Variants in ST6GALNAC5 observed in about 807,000 individuals in gnomAD.
The protein encoded by ST6GALNAC5 is ST6 N-acetylgalactosaminide alpha-2,6-sialyltransferase 5, also known as alpha-N-acetylgalactosaminide alpha-2,6-sialyltransferase 5.
A neutral mutation model predicts 33.6 loss-of-function variants in ST6GALNAC5; 27 were observed. The ratio of observed to expected loss-of-function variants is 0.80; its 90% confidence interval spans 0.59 to 1.11. The LOEUF (loss-of-function observed/expected upper bound fraction) is 1.11, where lower values mean the gene tolerates loss of function less well. Among genes scored for constraint, ST6GALNAC5 ranks in the 50% least tolerant of loss-of-function variants. The pLI is 0.00. For synonymous variants in ST6GALNAC5, 194 were observed against 171.2 expected, an observed-to-expected ratio of 1.13 and a Z score of -1.04; for missense variants, 428 against 454.0, an observed-to-expected ratio of 0.94 and a Z score of 0.52.
intron 2 of ST6GALNAC5, among the ~76,000 whole-genome samples, chr1:76,884,581 A>G (rs1041314165): frequency 3.3e-5 from 5 of 152,178 alleles, no homozygotes; most frequent in Non-Finnish European, 1.5e-5. Context: ...GCAGATAAAG[A>G]TATTATAATT....
chr1:76,934,683 C>T (rs940422739), intron 2 of ST6GALNAC5, among the ~76,000 whole-genome samples: 4 of 151,746 alleles, frequency 2.6e-5, no homozygotes, highest in African/African-American at 4.8e-5. Flanking sequence ...TAAAACCTGC[C>T]GATGTGAGAA....
chr1:76,987,411 T>C (rs1169183580), intron 2 of ST6GALNAC5, among the ~76,000 whole-genome samples: 1 of 152,100 alleles, frequency 6.6e-6, no homozygotes, highest in Non-Finnish European at 1.5e-5. Flanking sequence ...ACCAGTTAGG[T>C]TGGCTATATT....
rs558164719 is a variant in ST6GALNAC5 at position 76,867,746 on chromosome 1, T to C, written c.15+56T>C. Reference sequence around the variant, plus strand: ...AAGAGGGGGATCCCCGGGCTCAGGGTCCACGGGACGCACCGTGGAGACTCC... The same window carrying C: ...AAGAGGGGGATCCCCGGGCTCAGGGCCCACGGGACGCACCGTGGAGACTCC... On this transcript the variant is annotated intron_variant, in intron 1 of 4. Coordinates refer to ENST00000477717, the MANE Select transcript of ST6GALNAC5 (RefSeq NM_030965.3). 4 of 1,613,576 alleles carry C rather than the reference T, an allele frequency of 2.5e-6. No homozygotes were observed. The Admixed American group carries it at 6.7e-5, about 27-fold the overall frequency.
intron 2 of ST6GALNAC5, among the ~76,000 whole-genome samples, chr1:76,900,872 CATA>C (rs1276396934): frequency 2.0e-5 from 3 of 152,062 alleles, no homozygotes; most frequent in Non-Finnish European, 4.4e-5. Flanking sequence ...TATCAGAAAA[CATA>C]ATTATTCAGA....
chr1:76,896,462 G>T (rs1379224514), intron 2 of ST6GALNAC5, among the ~76,000 whole-genome samples: 1 of 152,192 alleles, frequency 6.6e-6, no homozygotes, highest in Non-Finnish European at 1.5e-5. Flanking sequence ...GTTCTAAGAG[G>T]CGGGCTAGTG....
chr1:76,975,543 G>A (rs1168010656), intron 2 of ST6GALNAC5, among the ~76,000 whole-genome samples: 5 of 152,130 alleles, frequency 3.3e-5, no homozygotes, highest in African/African-American at 1.2e-4. Context: ...TTAATAGGTG[G>A]ATATATGTAA....
At chr1:76,924,087 G>A (rs955284018) in intron 2 of ST6GALNAC5, among the ~76,000 whole-genome samples, 2 of 152,124 alleles carry the variant, frequency 1.3e-5, no homozygotes, top group African/African-American at 4.8e-5. Context: ...GTGTGTGAGA[G>A]TGGGTGAGTG....
intron 2 of ST6GALNAC5, among the ~76,000 whole-genome samples, chr1:77,027,403 G>T (rs771216187): frequency 6.6e-6 from 1 of 152,146 alleles, no homozygotes; most frequent in Non-Finnish European, 1.5e-5. Context: ...TTTACTGTGT[G>T]TGTTGAAAAC....
intron 2 of ST6GALNAC5, among the ~76,000 whole-genome samples, chr1:77,032,818 T>C (rs1048400283): frequency 1.3e-5 from 2 of 152,200 alleles, no homozygotes; most frequent in African/African-American, 4.8e-5. Flanking sequence ...CAGCTATATA[T>C]ACGACTCCAA....
chr1:76,966,767 G>A (rs922819173), intron 2 of ST6GALNAC5, among the ~76,000 whole-genome samples: 11 of 152,142 alleles, frequency 7.2e-5, no homozygotes, highest in African/African-American at 2.7e-4. Context: ...TTTGAGATAC[G>A]TTCCATCAAT....
chr1:77,014,382 C>A (rs993527178), intron 2 of ST6GALNAC5, among the ~76,000 whole-genome samples: 2 of 152,130 alleles, frequency 1.3e-5, no homozygotes, highest in African/African-American at 4.8e-5. Flanking sequence ...GGGTGATTTA[C>A]AGACAATTAG....
At chr1:76,888,167 T>C (rs1653937554) in intron 2 of ST6GALNAC5, among the ~76,000 whole-genome samples, 1 of 152,184 alleles carries the variant, frequency 6.6e-6, no homozygotes, top group Non-Finnish European at 1.5e-5. Flanking sequence ...TTTAATATAA[T>C]TTGTGTGTTG....
intron 2 of ST6GALNAC5, among the ~76,000 whole-genome samples, chr1:76,929,453 T>C (rs1222301353): frequency 6.6e-6 from 1 of 152,090 alleles, no homozygotes; most frequent in Non-Finnish European, 1.5e-5. Context: ...ACAGGAGGAT[T>C]CCTTGAACTG....
At chr1:77,033,796 A>G (rs1251199516) in intron 2 of ST6GALNAC5, among the ~76,000 whole-genome samples, 1 of 152,138 alleles carries the variant, frequency 6.6e-6, no homozygotes, top group Non-Finnish European at 1.5e-5. Flanking sequence ...GCCAGGCCGG[A>G]GAATAGAGAG....
At chr1:76,891,314 T>C (rs889112768) in intron 2 of ST6GALNAC5, among the ~76,000 whole-genome samples, 1 of 152,218 alleles carries the variant, frequency 6.6e-6, no homozygotes, top group Non-Finnish European at 1.5e-5. Flanking sequence ...TAGTATCTCC[T>C]TGTAGTTTGA....
intron 2 of ST6GALNAC5, among the ~76,000 whole-genome samples, chr1:76,924,204 T>C (rs1468029682): frequency 6.6e-6 from 1 of 152,162 alleles, no homozygotes; most frequent in African/African-American, 2.4e-5. Flanking sequence ...TCAGTAGCAT[T>C]GTTTTCCCAT....
At chr1:76,940,605 G>A (rs1023988142) in intron 2 of ST6GALNAC5, among the ~76,000 whole-genome samples, 3 of 152,050 alleles carry the variant, frequency 2.0e-5, no homozygotes, top group African/African-American at 7.2e-5. Flanking sequence ...GAAGCAACTT[G>A]CCAGGCCACA....
chr1:76,934,842 T>C (rs1557728583), intron 2 of ST6GALNAC5, among the ~76,000 whole-genome samples: 1 of 152,088 alleles, frequency 6.6e-6, no homozygotes, highest in Admixed American at 6.6e-5. Flanking sequence ...AGAAAGCCTC[T>C]GTTGGGTCTT....
At chr1:76,993,634 A>C (rs1649817788) in intron 2 of ST6GALNAC5, among the ~76,000 whole-genome samples, 3 of 152,154 alleles carry the variant, frequency 2.0e-5, no homozygotes, top group East Asian at 1.9e-4. Context: ...CTTTTTAAGG[A>C]AATTGTTATT....
Sources: allele counts gnomAD v4.1 joint callset (sites outside exome capture counted in the v4.1 genomes callset), GRCh38; gene constraint gnomAD v4.1.1; transcripts MANE v1.5; gene names NCBI Gene and HGNC (gene_info 2026-07-23, HGNC 2026-07-21).